Variants in LOC102723971 observed in about 807,000 individuals in gnomAD.
chr9:135,614,533 C>T, the LOC102723971 span, among the ~76,000 whole-genome samples: 2 of 152,134 alleles, frequency 1.3e-5, no homozygotes, highest in African/African-American at 2.4e-5. Flanking sequence ...GGGCTCTGTC[C>T]TCCCGCGCAG....
chr9:135,614,984 G>T, the LOC102723971 span, among the ~76,000 whole-genome samples: 1 of 152,204 alleles, frequency 6.6e-6, no homozygotes, highest in Non-Finnish European at 1.5e-5. Context: ...CTGAGACAAG[G>T]GGACGGGAGG....
chr9:135,616,724 C>G, the LOC102723971 span: 1 of 398,526 alleles, frequency 2.5e-6, no homozygotes, highest in South Asian at 1.3e-4. Context: ...AAGGGGCGCT[C>G]GGATGTCCAG....
chr9:135,615,186 GC>G, the LOC102723971 span, among the ~76,000 whole-genome samples: 1 of 152,184 alleles, frequency 6.6e-6, no homozygotes, highest in African/African-American at 2.4e-5. Context: ...GGGCTACACA[GC>G]CGGGCACTAG....
chr9:135,618,388 C>A, the LOC102723971 span, among the ~76,000 whole-genome samples: 1 of 152,052 alleles, frequency 6.6e-6, no homozygotes, highest in African/African-American at 2.4e-5. Flanking sequence ...CCCAACGCAT[C>A]ATTCAGTCAA....
chr9:135,618,492 C>A, the LOC102723971 span, among the ~76,000 whole-genome samples: 1 of 152,106 alleles, frequency 6.6e-6, no homozygotes, highest in Non-Finnish European at 1.5e-5. Context: ...GGTTACATTG[C>A]AGCAAGCATT....
the LOC102723971 span, chr9:135,614,219 C>G: frequency 2.5e-6 from 1 of 398,536 alleles, no homozygotes; most frequent in Non-Finnish European, 4.4e-6. Flanking sequence ...TGGCTAGGGA[C>G]GCTCCCCCTT....
At chr9:135,617,795 G>A in the LOC102723971 span, among the ~76,000 whole-genome samples, 8 of 152,162 alleles carry the variant, frequency 5.3e-5, no homozygotes, top group South Asian at 4.1e-4. Context: ...GCCGTGGTCC[G>A]AAGAGCCCCC....
chr9:135,614,540 G>A, the LOC102723971 span, among the ~76,000 whole-genome samples: 3 of 152,144 alleles, frequency 2.0e-5, no homozygotes, highest in Non-Finnish European at 4.4e-5. Flanking sequence ...GTCCTCCCGC[G>A]CAGCCAGCAC....
chr9:135,615,299 G>A, the LOC102723971 span: 1 of 396,944 alleles, frequency 2.5e-6, no homozygotes, highest in Non-Finnish European at 4.4e-6. Flanking sequence ...CCCTGCATGT[G>A]GAGGGAGTGC....
chr9:135,619,493 T>G, the LOC102723971 span, among the ~76,000 whole-genome samples: 1 of 152,076 alleles, frequency 6.6e-6, no homozygotes, highest in Admixed American at 6.5e-5. Context: ...CTGGGTCTGC[T>G]GGGGACCCTC....
the LOC102723971 span, among the ~76,000 whole-genome samples, chr9:135,617,213 C>T: frequency 6.6e-6 from 1 of 152,176 alleles, no homozygotes; most frequent in Non-Finnish European, 1.5e-5. Context: ...CGACACATGC[C>T]CCTCAGGGAG....
the LOC102723971 span, among the ~76,000 whole-genome samples, chr9:135,617,185 G>A: frequency 2.2e-4 from 34 of 152,310 alleles, no homozygotes; most frequent in South Asian, 1.4e-3. Context: ...GGGCCGAGAC[G>A]CAGCTGAGCT....
the LOC102723971 span, among the ~76,000 whole-genome samples, chr9:135,617,429 T>G: frequency 0.12 from 17,888 of 151,886 alleles, 1,226 homozygotes; most frequent in African/African-American, 0.18. Context: ...CACAGGGGAC[T>G]GAGTGGGGGA....
chr9:135,615,970 G>A, the LOC102723971 span, among the ~76,000 whole-genome samples: 6 of 152,212 alleles, frequency 3.9e-5, no homozygotes, highest in Admixed American at 6.5e-5. Context: ...ACAAGCTTCC[G>A]TTATTCCGCC....
chr9:135,615,344 C>T, the LOC102723971 span: 1,026 of 398,540 alleles, frequency 2.6e-3, 6 homozygotes, highest in African/African-American at 0.019. Context: ...TCCTCTGCCC[C>T]GGCCCACACC....
the LOC102723971 span, chr9:135,616,501 C>T: frequency 2.5e-6 from 1 of 397,608 alleles, no homozygotes; most frequent in South Asian, 1.3e-4. Flanking sequence ...TGGTGGAGAG[C>T]CCTGAGAGGG....
At chr9:135,614,399 T>A in the LOC102723971 span, 7 of 390,824 alleles carry the variant, frequency 1.8e-5, no homozygotes, top group Non-Finnish European at 2.7e-5. Context: ...AACAACGGCT[T>A]GAGTGTCACA....
At chr9:135,615,662 G>A in the LOC102723971 span, among the ~76,000 whole-genome samples, 1 of 152,220 alleles carries the variant, frequency 6.6e-6, no homozygotes, top group African/African-American at 2.4e-5. Flanking sequence ...AGGCAGGTGG[G>A]CAGGAAACAC....
At chr9:135,614,614 C>T in the LOC102723971 span, among the ~76,000 whole-genome samples, 31 of 152,174 alleles carry the variant, frequency 2.0e-4, no homozygotes, top group Admixed American at 1.5e-3. Flanking sequence ...TACAGCACAA[C>T]AGCAGGTCGC....
Sources: gnomAD v4.1 joint callset for allele counts (sites outside exome capture counted in the v4.1 genomes callset) on GRCh38, gnomAD v4.1.1 for gene constraint, MANE v1.5 for transcripts.